Variants in PON3 observed in about 807,000 individuals in gnomAD.
The protein encoded by PON3 is paraoxonase 3.
In PON3, 37 loss-of-function variants were observed where a neutral mutation model predicts 36.3. The observed-to-expected ratio is 1.02, with a 90% confidence interval of 0.78 to 1.34. The LOEUF (loss-of-function observed/expected upper bound fraction) is 1.34. PON3 is among the 40% of genes most tolerant of loss of function. The pLI is 0.00. For missense variants in PON3, 415 were observed against 426.5 expected, an observed-to-expected ratio of 0.97 and a Z score of 0.24; for synonymous variants, 155 against 154.8, an observed-to-expected ratio of 1.00 and a Z score of -0.01.
intron 3 of PON3, among the ~76,000 whole-genome samples, chr7:95,386,024 A>T (rs1809182092): frequency 4.6e-5 from 7 of 152,180 alleles, no homozygotes; most frequent in Admixed American, 4.6e-4. Context: ...TTATGTGTGA[A>T]TTTGATCCAT....
intron 3 of PON3, among the ~76,000 whole-genome samples, chr7:95,383,729 C>A (rs1399004376): frequency 6.6e-6 from 1 of 152,174 alleles, no homozygotes; most frequent in Non-Finnish European, 1.5e-5. Flanking sequence ...GAAGAACATT[C>A]CATGCTCATG....
rs181245356 is a variant in PON3, at chr7:95,372,161, T to C, written c.367+12A>G. The C allele has an allele frequency of 8.7e-6, 14 of 1,611,368 alleles. No homozygotes were observed. The East Asian group carries it at 2.5e-4, about 28-fold the overall frequency. ...CTCATTTCCCCCTTATCCCTAAACA[T>C]ACAGGTTTTACCTTTGTCGATGAAA... On this transcript the variant is annotated intron_variant, in intron 4 of 8. Transcript: ENST00000265627.
chr7:95,378,223 G>A (rs1315097671), intron 3 of PON3, among the ~76,000 whole-genome samples: 4 of 152,234 alleles, frequency 2.6e-5, no homozygotes, highest in Admixed American at 6.5e-5. Context: ...GAAAAGAAAC[G>A]AACAAAGCCT....
chr7:95,360,215 T>A, intron 8 of PON3, 84 bp from the exon 9 acceptor site: 1 of 1,333,458 alleles, frequency 7.5e-7, no homozygotes, highest in South Asian at 1.2e-5. Context: ...CTAGGATAAA[T>A]CTATTTTTCA....
chr7:95,380,518 G>A (rs1177959022), intron 3 of PON3, among the ~76,000 whole-genome samples: 1 of 152,304 alleles, frequency 6.6e-6, no homozygotes, highest in Admixed American at 6.5e-5. Flanking sequence ...GGACCTGATG[G>A]AGCTGAAAAC....
intron 3 of PON3, among the ~76,000 whole-genome samples, chr7:95,380,707 A>G (rs1011394931): frequency 6.6e-6 from 1 of 152,378 alleles, no homozygotes; most frequent in East Asian, 1.9e-4. Context: ...CTATGTGAAA[A>G]GACCAAATCT....
rs1484306274 is a variant in PON3 at position 95,367,427 on chromosome 7, A to T, written c.429T>A (p.Phe143Leu). ...GAGAACGTTGTTGTTCCTCAAATTT[A>T]AATATCTCCACAGTGGACTTCATGT... The part of the protein sequence containing the change: ...HPHMKSTVEI[F>L]KFEEQQRSLV... Residue 143 changes from phenylalanine (F) to leucine (L), a missense_variant, in exon 5 of 9, where the codon TTT (phenylalanine) becomes TTA (leucine). Phe to Leu is a conservative substitution (Grantham distance 22). Coordinates refer to ENST00000265627, the MANE Select transcript of PON3 (RefSeq NM_000940.3). 6.2e-7 allele frequency: 1 copy of T among 1,612,922 alleles called. No individual in the cohort carries two copies. The highest frequency in any genetic ancestry group is 8.5e-7 in the Non-Finnish European group (1 of 1,179,082).
chr7:95,386,154 A>G (rs1375223647), intron 3 of PON3, among the ~76,000 whole-genome samples: 1 of 152,224 alleles, frequency 6.6e-6, no homozygotes, highest in South Asian at 2.1e-4. Context: ...AAGGAGATAG[A>G]TACATGAAAA....
At chr7:95,366,236 T>C (rs1585719164) in intron 5 of PON3, among the ~76,000 whole-genome samples, 1 of 152,158 alleles carries the variant, frequency 6.6e-6, no homozygotes, top group East Asian at 1.9e-4. Flanking sequence ...CGCAATCCAC[T>C]AGTTAGGTAA....
chr7:95,381,051 CGAT>C (rs1809041528), intron 3 of PON3, among the ~76,000 whole-genome samples: 1 of 152,144 alleles, frequency 6.6e-6, no homozygotes, highest in African/African-American at 2.4e-5. Flanking sequence ...CAATATTCAA[CGAT>C]ATTAAAGAAA....
At chr7:95,383,586 G>A (rs1339639811) in intron 3 of PON3, among the ~76,000 whole-genome samples, 1 of 152,128 alleles carries the variant, frequency 6.6e-6, no homozygotes, top group Non-Finnish European at 1.5e-5. Context: ...CAAATCATGA[G>A]TGAACTCCCA....
intron 3 of PON3, among the ~76,000 whole-genome samples, chr7:95,375,253 T>A (rs928226737): frequency 2.0e-5 from 3 of 151,248 alleles, no homozygotes. Flanking sequence ...TGTATATGTA[T>A]ACATATATAT....
intron 3 of PON3, among the ~76,000 whole-genome samples, chr7:95,389,010 G>A (rs921077063): frequency 6.6e-6 from 1 of 152,074 alleles, no homozygotes; most frequent in African/African-American, 2.4e-5. Flanking sequence ...AATAGGTATA[G>A]GAAACCAGCA....
intron 3 of PON3, among the ~76,000 whole-genome samples, chr7:95,382,660 T>C (rs1585729496): frequency 6.6e-6 from 1 of 152,152 alleles, no homozygotes; most frequent in South Asian, 2.1e-4. Flanking sequence ...CAGGAAGAAC[T>C]TGAATCTCTG....
At chr7:95,365,573 G>A (rs1316531795) in intron 5 of PON3, 1 of 152,236 alleles carries the variant, frequency 6.6e-6, no homozygotes, top group Non-Finnish European at 1.5e-5. Context: ...GTTAGCAGCG[G>A]TTGGCTTAAT....
chr7:95,367,080 CG>C (rs1424711602), intron 5 of PON3, among the ~76,000 whole-genome samples: 5 of 152,074 alleles, frequency 3.3e-5, no homozygotes, highest in Admixed American at 6.6e-5. Context: ...ATTGAGTTGC[CG>C]TGGTAAAGAG....
chr7:95,367,110 A>G (rs1319750059), intron 5 of PON3, among the ~76,000 whole-genome samples: 1 of 152,218 alleles, frequency 6.6e-6, no homozygotes, highest in Admixed American at 6.5e-5. Flanking sequence ...TAGAGCTGGG[A>G]ATTTAATTGA....
Position 95,390,188 on chromosome 7 carries a change from T to C in PON3, c.167A>G (p.Asp56Gly). The change falls in exon 3 of 9, where the codon GAT becomes GGT. Residue 56 changes from aspartate to glycine, a missense_variant. By Grantham distance (94) the Asp-to-Gly change is moderately conservative (BLOSUM62 -1). Transcript: ENST00000265627. ...EELESGSEDI[D>G]ILPSGLAFIS... ...AAAAGCCAGCCCACTAGGAAGTATA[T>C]CAATATCTTCAGAGCCACTTTCTGC... 3.1e-6 allele frequency: 5 copies of C among 1,611,892 alleles called. No homozygotes were observed. The highest frequency in any genetic ancestry group is 4.2e-6 in the Non-Finnish European group (5 of 1,178,144).
intron 3 of PON3, among the ~76,000 whole-genome samples, chr7:95,384,464 G>A (rs890629299): frequency 2.6e-5 from 4 of 152,040 alleles, no homozygotes; most frequent in African/African-American, 9.7e-5. Context: ...ATCTGACAAA[G>A]GGCTAATATC....
Sources: allele counts gnomAD v4.1 joint callset (sites outside exome capture counted in the v4.1 genomes callset), GRCh38; gene constraint gnomAD v4.1.1; transcripts MANE v1.5; gene names NCBI Gene and HGNC (gene_info 2026-07-23, HGNC 2026-07-21).